PRKAA2: variants seen among roughly 807,000 people sequenced by gnomAD.
The protein encoded by PRKAA2 is 5'-AMP-activated protein kinase catalytic subunit alpha-2.
A neutral mutation model predicts 56.3 loss-of-function variants in PRKAA2; 40 were observed. That is an observed-to-expected ratio of 0.71 (90% confidence interval 0.55 to 0.92). PRKAA2 has a LOEUF of 0.92. Among genes scored for constraint, PRKAA2 ranks in the 40% least tolerant of loss-of-function variants. The probability of loss-of-function intolerance (pLI) is 0.00; values close to 1 mark genes in which losing one functional copy is unlikely to be tolerated. For synonymous variants in PRKAA2, 214 were observed against 234.2 expected (o/e 0.91, Z 0.79); for missense variants, 542 against 686.9 (o/e 0.79, Z 2.36).
intron 2 of PRKAA2, among the ~76,000 whole-genome samples, chr1:56,680,763 G>A (rs11206900): frequency 0.54 from 82,140 of 152,042 alleles, 22,743 homozygotes; most frequent in African/African-American, 0.66. Context: ...TATCACTGAT[G>A]GACATTTGGG....
At chr1:56,674,322 A>AT in intron 1 of PRKAA2, 59 bp from the exon 2 acceptor site, 3 of 1,397,342 alleles carry the variant, frequency 2.1e-6, no homozygotes, top group Non-Finnish European at 2.9e-6. Flanking sequence ...GGAAGGAAGC[A>AT]TGAATAAATG....
At position 56,708,826 on chromosome 1, in the gene PRKAA2, C is replaced by T. The variant is rs761556161; in HGVS notation, c.*1113C>T. ...CCCTAAGGGCTGGCTATGACCTTTACTGTTGAACCTGATAGGGCAGGGAAG... is the reference window on the plus strand; with the variant it reads ...CCCTAAGGGCTGGCTATGACCTTTATTGTTGAACCTGATAGGGCAGGGAAG... On this transcript the variant is annotated 3_prime_UTR_variant, in exon 9 of 9. Coordinates refer to ENST00000371244, the MANE Select transcript of PRKAA2 (RefSeq NM_006252.4). 6.6e-6 allele frequency: 1 copy of T among 152,108 alleles called. No individual in the cohort carries two copies. The highest frequency in any genetic ancestry group is 2.4e-5 in the African/African-American group (1 of 41,420). The allele number at this position is 152,108 out of a possible 1,614,324, so 9.4% of individuals were successfully genotyped here.
chr1:56,665,159 C>T (rs1018304909), intron 1 of PRKAA2, among the ~76,000 whole-genome samples: 16 of 151,672 alleles, frequency 1.1e-4, no homozygotes, highest in Admixed American at 3.9e-4. Flanking sequence ...CTGCAACCTC[C>T]GCCTCCCCGG....
intron 8 of PRKAA2, among the ~76,000 whole-genome samples, chr1:56,706,690 G>A (rs191023362): frequency 1.3e-3 from 198 of 152,294 alleles, no homozygotes; most frequent in African/African-American, 2.2e-3. Context: ...AGCCAAAGGC[G>A]TCAGGGAAAA....
At chr1:56,653,658 C>CT (rs1643920018) in intron 1 of PRKAA2, among the ~76,000 whole-genome samples, 1 of 152,108 alleles carries the variant, frequency 6.6e-6, no homozygotes, top group South Asian at 2.1e-4. Flanking sequence ...CCATTATGTA[C>CT]TTAAACCCAC....
chr1:56,654,247 T>G (rs1643924645), intron 1 of PRKAA2, among the ~76,000 whole-genome samples: 1 of 152,114 alleles, frequency 6.6e-6, no homozygotes, highest in Non-Finnish European at 1.5e-5. Flanking sequence ...TTATCTTGCT[T>G]CTTTTTGTAA....
chr1:56,704,909 C>G (rs906400725), intron 7 of PRKAA2, among the ~76,000 whole-genome samples: 9 of 151,610 alleles, frequency 5.9e-5, no homozygotes, highest in African/African-American at 2.2e-4. Flanking sequence ...CATATTTATT[C>G]AGTCAATAAA....
At chr1:56,678,481 GA>G (rs919257143) in intron 2 of PRKAA2, among the ~76,000 whole-genome samples, 146 of 149,986 alleles carry the variant, frequency 9.7e-4, no homozygotes, top group African/African-American at 3.5e-3. Context: ...AACCCAAATT[GA>G]AAAAAAAATT....
At chr1:56,645,616 G>A in intron 1 of PRKAA2, 135 bp downstream of exon 1, 4 of 689,596 alleles carry the variant, frequency 5.8e-6, no homozygotes, top group Non-Finnish European at 7.8e-6. Flanking sequence ...GCGCGGAGCT[G>A]GGGCCCCGGG....
intron 6 of PRKAA2, 64 bp downstream of exon 6, chr1:56,696,223 G>T (rs781433811): frequency 1.8e-5 from 26 of 1,460,032 alleles, no homozygotes; most frequent in Non-Finnish European, 2.4e-5. Flanking sequence ...TTAATTAAAT[G>T]ATTCTCCCAA....
chr1:56,669,120 A>G (rs1327352739), intron 1 of PRKAA2, among the ~76,000 whole-genome samples: 3 of 152,182 alleles, frequency 2.0e-5, no homozygotes, highest in African/African-American at 7.2e-5. Flanking sequence ...TAATCCTGAT[A>G]AATGGCTGAG....
chr1:56,693,849 G>A lies in PRKAA2; in HGVS notation c.560G>A (p.Gly187Asp). 1 of 1,583,346 alleles carries A rather than the reference G, an allele frequency of 6.3e-7. No homozygotes were observed. The highest frequency in any genetic ancestry group is 8.6e-7 in the Non-Finnish European group (1 of 1,157,358). Residue 187 changes from glycine to aspartate, a missense_variant, in exon 5 of 9, where the codon GGC (glycine) becomes GAC (aspartate). Physicochemically the swap from Gly to Asp is moderately conservative, Grantham distance 94. Transcript: ENST00000371244. ...PNYAAPEVIS[G>D]RLYAGPEVDI... ...TATGCAGCACCTGAAGTCATCTCAGGCAGGTAATAATCAGTGAAGCATAAG... is the reference window on the plus strand; with the variant it reads ...TATGCAGCACCTGAAGTCATCTCAGACAGGTAATAATCAGTGAAGCATAAG...
intron 6 of PRKAA2, among the ~76,000 whole-genome samples, chr1:56,699,418 A>G (rs1186819695): frequency 6.6e-6 from 1 of 152,164 alleles, no homozygotes; most frequent in African/African-American, 2.4e-5. Flanking sequence ...GAACCTTCAT[A>G]AACATCCTAG....
chr1:56,654,108 C>T (rs1277408535), intron 1 of PRKAA2, among the ~76,000 whole-genome samples: 1 of 152,044 alleles, frequency 6.6e-6, no homozygotes, highest in African/African-American at 2.4e-5. Flanking sequence ...GCTAAAAATG[C>T]TTTTCTACCA....
chr1:56,696,813 C>T (rs1436809173), intron 6 of PRKAA2, among the ~76,000 whole-genome samples: 1 of 152,098 alleles, frequency 6.6e-6, no homozygotes, highest in Non-Finnish European at 1.5e-5. Flanking sequence ...GCTGATGCGC[C>T]TATGAATATG....
At chr1:56,707,324 CTG>C (rs937417689) in intron 8 of PRKAA2, 149 bp from the exon 9 acceptor site, 6 of 653,106 alleles carry the variant, frequency 9.2e-6, no homozygotes, top group African/African-American at 3.6e-5. Context: ...AGGAAGAAGA[CTG>C]TGTTTCTACA....
chr1:56,678,814 G>A (rs1644132808), intron 2 of PRKAA2, among the ~76,000 whole-genome samples: 1 of 151,678 alleles, frequency 6.6e-6, no homozygotes, highest in South Asian at 2.1e-4. Context: ...TCCTGCCTCA[G>A]CCTCCTGAGT....
Position 56,704,267 on chromosome 1 carries a change from G to A in PRKAA2, c.1085G>A (p.Gly362Asp), listed in dbSNP as rs1309387242. 3 of 1,613,890 alleles carry A rather than the reference G, an allele frequency of 1.9e-6. No homozygotes were observed. The highest frequency in any genetic ancestry group is 2.7e-5 in the African/African-American group (2 of 74,864). ...GATAGTGCCATGCATATTCCCCCAGGCCTGAAACCTCATCCAGAAAGGATG... is the reference window on the plus strand; with the variant it reads ...GATAGTGCCATGCATATTCCCCCAGACCTGAAACCTCATCCAGAAAGGATG... ...MDDSAMHIPP[G>D]LKPHPERMPP... Residue 362 changes from glycine to aspartate, a missense_variant, in exon 7 of 9, where the codon GGC (glycine) becomes GAC (aspartate). By Grantham distance (94) the Gly-to-Asp change is moderately conservative. Coordinates refer to ENST00000371244, the MANE Select transcript of PRKAA2 (RefSeq NM_006252.4).
chr1:56,672,005 A>G (rs149781231), intron 1 of PRKAA2, among the ~76,000 whole-genome samples: 2 of 152,244 alleles, frequency 1.3e-5, no homozygotes, highest in Non-Finnish European at 2.9e-5. Context: ...TTAGGAGATT[A>G]TATCAGTTGA....
Sources: gnomAD v4.1 joint callset for allele counts (sites outside exome capture counted in the v4.1 genomes callset) on GRCh38, gnomAD v4.1.1 for gene constraint, MANE v1.5 for transcripts, NCBI Gene and HGNC (gene_info 2026-07-23, HGNC 2026-07-21) for gene names.